The following CBFA2T3 variants were observed in gnomAD, a reference collection of about 807,000 sequenced individuals.
The protein encoded by CBFA2T3 is CBFA2/RUNX1 partner transcriptional co-repressor 3, also known as transcriptional corepressor CBFA2T3.
In CBFA2T3, 31 loss-of-function variants were observed where a neutral mutation model predicts 58.6. That is an observed-to-expected ratio of 0.53 (90% CI 0.40 to 0.71). The LOEUF (loss-of-function observed/expected upper bound fraction) is 0.71, where lower values mean the gene tolerates loss of function less well. Among genes scored for constraint, CBFA2T3 ranks in the 30% least tolerant of loss-of-function variants. CBFA2T3 has a pLI of 0.00. For missense variants in CBFA2T3, 1,076 were observed against 963.1 expected, an observed-to-expected ratio of 1.12 and a Z score of -1.55; for synonymous variants, 531 against 421.9, an observed-to-expected ratio of 1.26 and a Z score of -3.17.
chr16:88,972,805 G>T (rs939036779), intron 1 of CBFA2T3, among the ~76,000 whole-genome samples: 1 of 152,210 alleles, frequency 6.6e-6, no homozygotes, highest in Non-Finnish European at 1.5e-5. Context: ...TCAACAAAAG[G>T]GGGGACAGGA....
chr16:88,924,561 C>T (rs1221349254), intron 1 of CBFA2T3, among the ~76,000 whole-genome samples: 1 of 152,082 alleles, frequency 6.6e-6, no homozygotes, highest in Admixed American at 6.5e-5. Context: ...GGGCAGCTCT[C>T]GGTGCTGTGT....
chr16:88,885,790 C>T lies in CBFA2T3; in HGVS notation c.893+171G>A. On this transcript the variant is annotated intron_variant, in intron 6 of 11. Coordinates refer to ENST00000268679, the MANE Select transcript of CBFA2T3 (RefSeq NM_005187.6). This position sits in a 1 kb window ranked among gnomAD's most constrained non-coding sequence, Gnocchi z 5.3. ...CAGCCCACTGGGGTGTCCGCCCGTG[C>T]AGCCACCAAGCCTGCTGGCCCTAGT... is the stretch of plus-strand genomic sequence containing the variant. The T allele has an allele frequency of 3.3e-6, 2 of 614,128 alleles. No homozygotes were observed. Among genetic ancestry groups the T allele is most frequent in the Non-Finnish European group, 5.7e-6 (2 of 351,296 alleles). 38.0% of individuals were successfully genotyped at this position (614,128 alleles called of 1,614,324 possible).
At chr16:88,975,154 GT>G (rs1972786572) in intron 1 of CBFA2T3, among the ~76,000 whole-genome samples, 2 of 144,246 alleles carry the variant, frequency 1.4e-5, no homozygotes, top group East Asian at 2.0e-4. Flanking sequence ...CATGTCAGAG[GT>G]CCACCCTGAC....
chr16:88,898,493 C>T (rs1969976113), intron 2 of CBFA2T3, among the ~76,000 whole-genome samples: 1 of 152,224 alleles, frequency 6.6e-6, no homozygotes, highest in Admixed American at 6.5e-5. Flanking sequence ...TGGGTGATCC[C>T]TAAGGGCCGT....
chr16:88,932,791 CAAAAAAAAAAAA>C (rs576934029), intron 1 of CBFA2T3, among the ~76,000 whole-genome samples: 43 of 27,864 alleles, frequency 1.5e-3, no homozygotes, highest in Admixed American at 4.5e-3. Context: ...ACTAAAAATA[CAAAAAAAAAAAA>C]AAAAAAAAAA....
rs745554156 is a variant in CBFA2T3 at position 88,958,750 on chromosome 16, G to A, written c.151+17907C>T. 1.2e-4 allele frequency among the ~76,000 whole-genome samples: 19 copies of A among 152,126 alleles called. No homozygotes were observed. The highest frequency in any genetic ancestry group is 2.8e-4 in the Non-Finnish European group (19 of 67,998). ...ATGAACTTGCTCTCCCAGGGCTGGGGCCTCAGGGCCTCAGCGTAGCCCAGG... is the reference window on the plus strand; with the variant it reads ...ATGAACTTGCTCTCCCAGGGCTGGGACCTCAGGGCCTCAGCGTAGCCCAGG... On this transcript the variant is annotated intron_variant, in intron 1 of 11. Transcript: ENST00000268679. The surrounding 1 kb of genome is among the most constrained non-coding windows in gnomAD (Gnocchi z 4.0).
intron 5 of CBFA2T3, 35 bp downstream of exon 5, chr16:88,891,847 G>A (rs763169060): frequency 2.0e-6 from 3 of 1,478,110 alleles, no homozygotes; most frequent in South Asian, 1.1e-5. Context: ...CTTCTAGGGA[G>A]GCTCCCGCAG....
intron 1 of CBFA2T3, chr16:88,939,799 AG>A (rs1971643951): frequency 6.6e-6 from 1 of 152,272 alleles, no homozygotes; most frequent in African/African-American, 2.4e-5. Context: ...AAGCGATGCC[AG>A]GGGCAGGTGA....
At chr16:88,920,443 ATT>A (rs368094716) in intron 1 of CBFA2T3, among the ~76,000 whole-genome samples, 33 of 138,830 alleles carry the variant, frequency 2.4e-4, no homozygotes, top group African/African-American at 3.3e-4. Context: ...TACCCGGCCA[ATT>A]TTTTTTTTTT....
In CBFA2T3 at chr16:88,977,113, C is replaced by A. The variant is rs759510530; in HGVS notation, c.-306G>T. 1.5e-5 allele frequency: 5 copies of A among 331,388 alleles called. No homozygotes were observed. Among genetic ancestry groups the A allele is most frequent in the African/African-American group, 8.2e-5 (4 of 48,558 alleles). 20.5% of individuals were successfully genotyped at this position (331,388 alleles called of 1,614,324 possible). ...GCCAGCTGTGTCCCCGTGATAATGC[C>A]GGGGCCGGAGGCCTGCAGCTGCGCC... is the stretch of plus-strand genomic sequence containing the variant. On this transcript the variant is annotated 5_prime_UTR_variant, in exon 1 of 12. Coordinates refer to ENST00000268679, the MANE Select transcript of CBFA2T3 (RefSeq NM_005187.6).
At position 88,885,388 on chromosome 16, in the gene CBFA2T3, A is replaced by G; in HGVS notation, c.894-119T>C. ...GAGAGAAAGAGGACACGTAAGGGCGAGACAGAAACACGGAGCAAAACACCA... is the reference window on the plus strand; with the variant it reads ...GAGAGAAAGAGGACACGTAAGGGCGGGACAGAAACACGGAGCAAAACACCA... On this transcript the variant is annotated intron_variant, in intron 6 of 11. Coordinates refer to ENST00000268679, the MANE Select transcript of CBFA2T3 (RefSeq NM_005187.6). The surrounding 1 kb of genome is among the most constrained non-coding windows in gnomAD (Gnocchi z 5.3). The G allele has an allele frequency of 3.1e-6, 2 of 640,350 alleles. No homozygotes were observed. Among genetic ancestry groups the G allele is most frequent in the Non-Finnish European group, 4.9e-6 (2 of 405,028 alleles). 39.7% of individuals were successfully genotyped at this position (640,350 alleles called of 1,614,324 possible).
At chr16:88,898,538 C>G (rs190474424) in intron 2 of CBFA2T3, among the ~76,000 whole-genome samples, 1 of 152,214 alleles carries the variant, frequency 6.6e-6, no homozygotes, top group Non-Finnish European at 1.5e-5. Context: ...ACAAGAACCG[C>G]GGCTTCTCTA....
intron 1 of CBFA2T3, among the ~76,000 whole-genome samples, chr16:88,913,272 TTGG>T (rs1480749905): frequency 6.6e-6 from 1 of 152,244 alleles, no homozygotes; most frequent in East Asian, 1.9e-4. Context: ...GCCCGGCCAC[TTGG>T]TGGAGCTGGA....
At chr16:88,937,074 C>T (rs1368669071) in intron 1 of CBFA2T3, 1 of 152,268 alleles carries the variant, frequency 6.6e-6, no homozygotes, top group Non-Finnish European at 1.5e-5. Flanking sequence ...GCGGCCCTCC[C>T]AGGCCTGCCC....
At position 88,958,778 on chromosome 16, in the gene CBFA2T3, T is replaced by C. The variant is rs541060292; in HGVS notation, c.151+17879A>G. ...TCAGGGCCTCAGCGTAGCCCAGGTC[T>C]GCGCTGGCTCTGGGCTCTTCCCGCT... is the stretch of plus-strand genomic sequence containing the variant. On this transcript the variant is annotated intron_variant, in intron 1 of 11. Transcript: ENST00000268679. The surrounding 1 kb of genome is among the most constrained non-coding windows in gnomAD (Gnocchi z 4.0). 2.0e-5 allele frequency among the ~76,000 whole-genome samples: 3 copies of C among 152,176 alleles called. No homozygotes were observed. The East Asian group carries it at 5.8e-4, about 30-fold the overall frequency.
intron 3 of CBFA2T3, among the ~76,000 whole-genome samples, chr16:88,895,752 C>T (rs1969865070): frequency 1.3e-5 from 2 of 152,178 alleles, no homozygotes; most frequent in Admixed American, 6.5e-5. Flanking sequence ...TACAGAGGCC[C>T]TCAGACACAC....
chr16:88,931,107 G>C (rs1256692122), intron 1 of CBFA2T3, among the ~76,000 whole-genome samples: 1 of 152,136 alleles, frequency 6.6e-6, no homozygotes, highest in Non-Finnish European at 1.5e-5. Context: ...CATCCACGTT[G>C]CTAACAGCCC....
chr16:88,889,618 C>T (rs1251849620), intron 5 of CBFA2T3, among the ~76,000 whole-genome samples: 1 of 152,064 alleles, frequency 6.6e-6, no homozygotes, highest in African/African-American at 2.4e-5. Flanking sequence ...TAATCAGGAA[C>T]ATGGCAGTGC....
intron 1 of CBFA2T3, among the ~76,000 whole-genome samples, chr16:88,961,050 G>C (rs1972341781): frequency 1.3e-5 from 2 of 152,242 alleles, no homozygotes; most frequent in Admixed American, 6.5e-5. Context: ...CAGAGAGGCT[G>C]TGAGACCTGT....
Sources: allele counts gnomAD v4.1 joint callset (sites outside exome capture counted in the v4.1 genomes callset), GRCh38; gene constraint gnomAD v4.1.1; non-coding constraint Gnocchi (gnomAD v3.1); transcripts MANE v1.5; gene names NCBI Gene and HGNC (gene_info 2026-07-23, HGNC 2026-07-21).